Variants in AGAP1 observed in about 807,000 individuals in gnomAD.
AGAP1 encodes the protein arf-GAP with GTPase, ANK repeat and PH domain-containing protein 1.
AGAP1 carries 29 observed loss-of-function variants against 105.3 expected under a neutral mutation model. That is an observed-to-expected ratio of 0.28 (90% CI 0.21 to 0.38). AGAP1 has a LOEUF of 0.38. Among genes scored for constraint, AGAP1 ranks in the 10% least tolerant of loss-of-function variants. The probability of loss-of-function intolerance (pLI) is 1.00; values close to 1 mark genes in which losing one functional copy is unlikely to be tolerated. For synonymous variants in AGAP1, 509 were observed against 485.9 expected (o/e 1.05, Z -0.63); for missense variants, 998 against 1,165.1 (o/e 0.86, Z 2.09).
At chr2:235,706,370 G>A (rs112685960) in intron 1 of AGAP1, among the ~76,000 whole-genome samples, 6,119 of 151,770 alleles carry the variant, frequency 0.04, 185 homozygotes, top group Middle Eastern at 0.14. Context: ...GACTACAGGC[G>A]CCCGCCACCA....
Position 235,625,978 on chromosome 2 carries a change from C to T in AGAP1, c.164-83201C>T, listed in dbSNP as rs1426043496. On this transcript the variant is annotated intron_variant, in intron 1 of 17. Coordinates refer to ENST00000304032, the MANE Select transcript of AGAP1 (RefSeq NM_001037131.3). The surrounding 1 kb of genome is among the most constrained non-coding windows in gnomAD (Gnocchi z 4.0). ...CAGAGCTATTTGTAAAAATAATGCA[C>T]AGGCATTTGCTGCTGTATCCTATGA... is the stretch of plus-strand genomic sequence containing the variant. Among the ~76,000 whole-genome samples the T allele has an allele frequency of 1.3e-5, 2 of 152,140 alleles. No homozygotes were observed. The highest frequency in any genetic ancestry group is 1.3e-4 in the Admixed American group (2 of 15,278).
chr2:235,750,347 G>A lies in AGAP1; in HGVS notation c.539-7G>A. On this transcript the variant is annotated splice_polypyrimidine_tract_variant and splice_region_variant and intron_variant, in intron 5 of 17. Coordinates refer to ENST00000304032, the MANE Select transcript of AGAP1 (RefSeq NM_001037131.3). The surrounding 1 kb of genome is among the most constrained non-coding windows in gnomAD (Gnocchi z 5.3). ...CTGTGCCGTTACTTTTTGGTCTTCTGTTCCAGATGCCATAAGTTCTGCTAA... is the reference window on the plus strand; with the variant it reads ...CTGTGCCGTTACTTTTTGGTCTTCTATTCCAGATGCCATAAGTTCTGCTAA... 1 of 1,614,094 alleles carries A rather than the reference G, an allele frequency of 6.2e-7. No homozygotes were observed. The highest frequency in any genetic ancestry group is 2.2e-5 in the East Asian group (1 of 44,882).
intron 1 of AGAP1, among the ~76,000 whole-genome samples, chr2:235,576,112 G>A (rs1426136108): frequency 1.3e-5 from 2 of 152,166 alleles, no homozygotes; most frequent in Non-Finnish European, 2.9e-5. Flanking sequence ...CCCAGAGCCC[G>A]GTTGCAACAG....
chr2:235,643,844 T>C (rs572372062), intron 1 of AGAP1, among the ~76,000 whole-genome samples: 59 of 152,306 alleles, frequency 3.9e-4, no homozygotes, highest in African/African-American at 1.3e-3. Flanking sequence ...CCCATTATGC[T>C]ATCTCTTAAT....
rs1242720134 is a variant in AGAP1 at position 235,552,792 on chromosome 2, C to T, written c.163+57943C>T. On this transcript the variant is annotated intron_variant, in intron 1 of 17. Coordinates refer to ENST00000304032, the MANE Select transcript of AGAP1 (RefSeq NM_001037131.3). The surrounding 1 kb of genome is among the most constrained non-coding windows in gnomAD (Gnocchi z 5.9). ...GAGTTGAGTTTCAGAAAGCCAGCTG[C>T]AGAATGCAGTGCCTGACAGAGTGTG... Among the ~76,000 whole-genome samples, 1 of 152,174 alleles carries T rather than the reference C, an allele frequency of 6.6e-6. No homozygotes were observed. Among genetic ancestry groups the T allele is most frequent in the Non-Finnish European group, 1.5e-5 (1 of 68,036 alleles).
chr2:235,908,950 A>G lies in AGAP1; in HGVS notation c.1324+44A>G, dbSNP rs1219322428. The G allele has an allele frequency of 1.3e-6, 2 of 1,578,610 alleles. No homozygotes were observed. Among genetic ancestry groups the G allele is most frequent in the South Asian group, 1.1e-5 (1 of 88,448 alleles). ...CACTAACAAATCAAGTTCAACAGCA[A>G]CAGGTGGTCCAGGCTCGAGGATAAT... is the stretch of plus-strand genomic sequence containing the variant. On this transcript the variant is annotated intron_variant, in intron 11 of 17. Coordinates refer to ENST00000304032, the MANE Select transcript of AGAP1 (RefSeq NM_001037131.3). This position sits in a 1 kb window ranked among gnomAD's most constrained non-coding sequence, Gnocchi z 4.4.
rs1273567650 is a variant in AGAP1 at position 235,724,333 on chromosome 2, C to T, written c.310+6689C>T. 1.3e-5 allele frequency among the ~76,000 whole-genome samples: 2 copies of T among 152,208 alleles called. No homozygotes were observed. Among genetic ancestry groups the T allele is most frequent in the East Asian group, 3.8e-4 (2 of 5,198 alleles). ...GAAGGGCGACCCTCCAGCCCCATGT[C>T]CAGGCTCTCCCATCTTCCCAGCTCG... is the stretch of plus-strand genomic sequence containing the variant. On this transcript the variant is annotated intron_variant, in intron 3 of 17. Transcript: ENST00000304032. The surrounding 1 kb of genome is among the most constrained non-coding windows in gnomAD (Gnocchi z 4.9).
chr2:236,022,141 G>A (rs189134711), intron 13 of AGAP1, among the ~76,000 whole-genome samples: 9 of 151,460 alleles, frequency 5.9e-5, no homozygotes, highest in Admixed American at 5.9e-4. Flanking sequence ...CTTTACACGT[G>A]GTCCTTGAAC....
rs113581258 is a variant in AGAP1, at chr2:235,655,754, C to T, written c.164-53425C>T. On this transcript the variant is annotated intron_variant, in intron 1 of 17. Transcript: ENST00000304032. This position sits in a 1 kb window ranked among gnomAD's most constrained non-coding sequence, Gnocchi z 4.3. ...TGTGAAGAAAGGATCTTTAGTGCCA[C>T]GTGTGTATTTTTAACACATTTCCAA... Among the ~76,000 whole-genome samples the T allele has an allele frequency of 2.0e-5, 3 of 152,184 alleles. No individual in the cohort carries two copies. Among genetic ancestry groups the T allele is most frequent in the Non-Finnish European group, 4.4e-5 (3 of 68,048 alleles).
In AGAP1 at chr2:235,527,966, A is replaced by G. The variant is rs185331507; in HGVS notation, c.163+33117A>G. Reference sequence around the variant, plus strand: ...TGTCTGTATCATCTTGAGTACACAGATGTGTCATAACTAGCCACACTTCTT... The same window carrying G: ...TGTCTGTATCATCTTGAGTACACAGGTGTGTCATAACTAGCCACACTTCTT... On this transcript the variant is annotated intron_variant, in intron 1 of 17. Coordinates refer to ENST00000304032, the MANE Select transcript of AGAP1 (RefSeq NM_001037131.3). Among the ~76,000 whole-genome samples the G allele has an allele frequency of 4.3e-3, 652 of 152,296 alleles. 4 individuals are homozygous for G. The highest frequency in any genetic ancestry group is 6.0e-3 in the Non-Finnish European group (406 of 68,032).
chr2:236,017,432 T>C (rs1195883103), intron 13 of AGAP1, among the ~76,000 whole-genome samples: 1 of 151,870 alleles, frequency 6.6e-6, no homozygotes, highest in Non-Finnish European at 1.5e-5. Context: ...TGAAAATTTG[T>C]ATCCTGAACA....
chr2:236,014,897 C>A lies in AGAP1; in HGVS notation c.1646-21664C>A. 2.5e-6 allele frequency: 1 copy of A among 399,844 alleles called. No homozygotes were observed. The highest frequency in any genetic ancestry group is 1.8e-5 in the South Asian group (1 of 54,062). The allele number at this position is 399,844 out of a possible 1,614,324, so 24.8% of individuals were successfully genotyped here. On this transcript the variant is annotated intron_variant, in intron 13 of 17. Coordinates refer to ENST00000304032, the MANE Select transcript of AGAP1 (RefSeq NM_001037131.3). The surrounding 1 kb of genome is among the most constrained non-coding windows in gnomAD (Gnocchi z 6.3). ...CACTGAAGGTAACGCCTCCGCACCT[C>A]CACCCGCCCACACCTCCACCTGCCT... is the stretch of plus-strand genomic sequence containing the variant.
chr2:235,864,354 A>C lies in AGAP1; in HGVS notation c.1051-18991A>C, dbSNP rs559446151. Among the ~76,000 whole-genome samples, 1 of 152,336 alleles carries C rather than the reference A, an allele frequency of 6.6e-6. No individual in the cohort carries two copies. Among genetic ancestry groups the C allele is most frequent in the East Asian group, 1.9e-4 (1 of 5,182 alleles). On this transcript the variant is annotated intron_variant, in intron 9 of 17. Transcript: ENST00000304032. This position sits in a 1 kb window ranked among gnomAD's most constrained non-coding sequence, Gnocchi z 5.0. ...GCCTGGGTGTGCTTCCTAGGCAGGC[A>C]GTTGGATTCTGTTTAATTTTCTTTA...
In AGAP1 at chr2:235,700,039, A is replaced by G. The variant is rs1010291909; in HGVS notation, c.164-9140A>G. On this transcript the variant is annotated intron_variant, in intron 1 of 17. Coordinates refer to ENST00000304032, the MANE Select transcript of AGAP1 (RefSeq NM_001037131.3). This position sits in a 1 kb window ranked among gnomAD's most constrained non-coding sequence, Gnocchi z 6.1. The stretch of plus-strand genomic sequence containing the variant: ...GCCTGTAGGTTAACAAGCTGGGGCC[A>G]GAAGGCTGTACTGCACTGGACCCAA... Among the ~76,000 whole-genome samples the G allele has an allele frequency of 6.6e-6, 1 of 152,212 alleles. No homozygotes were observed. The highest frequency in any genetic ancestry group is 6.5e-5 in the Admixed American group (1 of 15,274).
chr2:236,047,853 C>T (rs1267981004), intron 15 of AGAP1, among the ~76,000 whole-genome samples: 2 of 151,944 alleles, frequency 1.3e-5, no homozygotes, highest in East Asian at 1.9e-4. Flanking sequence ...CCTCCCATCT[C>T]GGCCTCCCAA....
rs941619131 is a variant in AGAP1 at position 235,697,423 on chromosome 2, C to A, written c.164-11756C>A. 2.2e-4 allele frequency among the ~76,000 whole-genome samples: 33 copies of A among 152,322 alleles called. 1 individual carries two copies. The highest frequency in any genetic ancestry group is 4.7e-4 in the Non-Finnish European group (32 of 68,024). On this transcript the variant is annotated intron_variant, in intron 1 of 17. Transcript: ENST00000304032. ...AGCCACATTAAGTGCCCAGTGCCCC[C>A]ACTTCCCCCTGCAATCCCCGATGAA...
At chr2:236,021,537 A>G (rs1384935546) in intron 13 of AGAP1, among the ~76,000 whole-genome samples, 1 of 152,162 alleles carries the variant, frequency 6.6e-6, no homozygotes, top group Non-Finnish European at 1.5e-5. Flanking sequence ...ATGAGTAACA[A>G]ACAGTTACCG....
At chr2:235,512,032 T>TGG (rs1942158109) in intron 1 of AGAP1, among the ~76,000 whole-genome samples, 2 of 3,834 alleles carry the variant, frequency 5.2e-4, no homozygotes, top group Non-Finnish European at 8.3e-4. Context: ...GAGGTGTGAA[T>TGG]GTGTGTGAAT....
At chr2:235,932,041 G>C (rs1163387692) in intron 12 of AGAP1, among the ~76,000 whole-genome samples, 1 of 152,228 alleles carries the variant, frequency 6.6e-6, no homozygotes, top group Non-Finnish European at 1.5e-5. Flanking sequence ...GGCTCTCTAA[G>C]GCTCTCTGCC....
Sources: gnomAD v4.1 joint callset for allele counts (sites outside exome capture counted in the v4.1 genomes callset) on GRCh38, gnomAD v4.1.1 for gene constraint, Gnocchi (gnomAD v3.1) non-coding constraint, MANE v1.5 for transcripts, NCBI Gene and HGNC (gene_info 2026-07-23, HGNC 2026-07-21) for gene names.